Variants in CACNA2D1 observed in about 807,000 individuals in gnomAD.
CACNA2D1 encodes the protein calcium voltage-gated channel auxiliary subunit alpha2delta 1, also known as voltage-dependent calcium channel subunit alpha-2/delta-1.
In CACNA2D1, 53 loss-of-function variants were observed where a neutral mutation model predicts 171.5. That is an observed-to-expected ratio of 0.31 (90% CI 0.25 to 0.39). CACNA2D1 has a LOEUF of 0.39. Ranked by LOEUF, CACNA2D1 falls within the 10% of genes least tolerant of loss-of-function variation. CACNA2D1 has a pLI of 1.00. For missense variants in CACNA2D1, 903 were observed against 1,299.8 expected, an observed-to-expected ratio of 0.69 and a Z score of 4.69; for synonymous variants, 442 against 443.1, an observed-to-expected ratio of 1.00 and a Z score of 0.03.
chr7:82,192,399 AATATAT>A (rs57832901), intron 3 of CACNA2D1, among the ~76,000 whole-genome samples: 94,273 of 146,580 alleles, frequency 0.64, 31,735 homozygotes, highest in Non-Finnish European at 0.74. Flanking sequence ...AAACAGGGGA[AATATAT>A]ATATATATAT....
intron 10 of CACNA2D1, among the ~76,000 whole-genome samples, chr7:82,045,248 T>G (rs1345272288): frequency 1.3e-5 from 2 of 152,094 alleles, no homozygotes; most frequent in African/African-American, 2.4e-5. Context: ...TTTGCTGAAC[T>G]GTAAATAAAA....
intron 13 of CACNA2D1, 65 bp downstream of exon 13, chr7:82,014,336 A>C: frequency 2.4e-6 from 2 of 828,588 alleles, no homozygotes; most frequent in East Asian, 2.5e-5. Flanking sequence ...TTAAATAAGT[A>C]CACCTAATAA....
At chr7:82,393,127 G>C (rs560324406) in intron 1 of CACNA2D1, among the ~76,000 whole-genome samples, 18 of 131,286 alleles carry the variant, frequency 1.4e-4, no homozygotes, top group African/African-American at 3.1e-4. Flanking sequence ...GGGAGGGAGG[G>C]AGGCAGGCAG....
intron 3 of CACNA2D1, among the ~76,000 whole-genome samples, chr7:82,297,389 T>C (rs771595084): frequency 6.6e-6 from 1 of 152,190 alleles, no homozygotes; most frequent in African/African-American, 2.4e-5. Flanking sequence ...ACTTCCTTTG[T>C]GGGGGGAGAT....
intron 3 of CACNA2D1, among the ~76,000 whole-genome samples, chr7:82,214,260 C>T (rs546675285): frequency 6.6e-6 from 1 of 152,128 alleles, no homozygotes. Flanking sequence ...ACTTACCTAC[C>T]TCTTCCGAGA....
Position 82,014,475 on chromosome 7 carries a change from C to T in CACNA2D1, c.1148G>A (p.Arg383His), listed in dbSNP as rs1562870772. 1 of 1,557,032 alleles carries T rather than the reference C, an allele frequency of 6.4e-7. No homozygotes were observed. The change falls in exon 13 of 39, where the codon CGT (arginine) becomes CAT (histidine). Residue 383 changes from arginine (R) to histidine (H), a missense_variant. Arg to His is a conservative substitution (Grantham distance 29). This residue lies in a region of CACNA2D1 where 623 missense variants were observed against 925.5 expected (regional missense o/e 0.67). Coordinates refer to ENST00000356860, the MANE Select transcript of CACNA2D1 (RefSeq NM_000722.4). Reference protein sequence around the residue: ...FNKYNKDKKVRVFTFSVGQHN... With the variant: ...FNKYNKDKKVHVFTFSVGQHN... ...TTGACCAACTGAAAACGTGAATACA[C>T]GTACCTGGATGAATTGAAAAATAGG...
At chr7:82,035,732 G>T (rs1803220217) in intron 11 of CACNA2D1, among the ~76,000 whole-genome samples, 1 of 151,902 alleles carries the variant, frequency 6.6e-6, no homozygotes, top group Admixed American at 6.6e-5. Context: ...ATACTAAGAA[G>T]AATAATTAAA....
At chr7:81,958,000 T>C (rs1316568030) in intron 38 of CACNA2D1, among the ~76,000 whole-genome samples, 1 of 152,036 alleles carries the variant, frequency 6.6e-6, no homozygotes, top group African/African-American at 2.4e-5. Context: ...TGGCCCTTCA[T>C]AAAACATTCT....
chr7:82,021,725 G>C (rs1801234051), intron 12 of CACNA2D1, among the ~76,000 whole-genome samples: 1 of 151,940 alleles, frequency 6.6e-6, no homozygotes, highest in African/African-American at 2.4e-5. Context: ...ATTAAAAAAT[G>C]GTAATCTGAG....
At chr7:82,248,683 T>G (rs1304021853) in intron 3 of CACNA2D1, among the ~76,000 whole-genome samples, 1 of 152,128 alleles carries the variant, frequency 6.6e-6, no homozygotes, top group East Asian at 1.9e-4. Context: ...GCATCTCAAA[T>G]TATAAAACAG....
intron 25 of CACNA2D1, among the ~76,000 whole-genome samples, 190 bp from the exon 26 acceptor site, chr7:81,972,054 G>A (rs1293667684): frequency 6.6e-6 from 1 of 151,412 alleles, no homozygotes; most frequent in African/African-American, 2.4e-5. Flanking sequence ...GGAAATGAAT[G>A]GATTTAGTAG....
chr7:82,155,320 T>C (rs1440657421), intron 4 of CACNA2D1, among the ~76,000 whole-genome samples: 5 of 152,082 alleles, frequency 3.3e-5, no homozygotes, highest in Non-Finnish European at 7.4e-5. Flanking sequence ...TAAAAAGATA[T>C]ACATTATTAC....
intron 3 of CACNA2D1, among the ~76,000 whole-genome samples, chr7:82,262,072 C>T (rs1466639002): frequency 6.6e-6 from 1 of 152,220 alleles, no homozygotes; most frequent in Admixed American, 6.5e-5. Flanking sequence ...TGGCTCACGC[C>T]TGTAATCCCA....
In CACNA2D1 at chr7:82,096,687, G is replaced by A. The variant is rs1006946058; in HGVS notation, c.527-11787C>T. ...CAAACTCTCAATATCAAAATATCCTGCAATAACAAAACATCCAAACAGATA... is the reference window on the plus strand; with the variant it reads ...CAAACTCTCAATATCAAAATATCCTACAATAACAAAACATCCAAACAGATA... On this transcript the variant is annotated intron_variant, in intron 6 of 38. Transcript: ENST00000356860. Among the ~76,000 whole-genome samples the A allele has an allele frequency of 8.1e-5, 12 of 149,018 alleles. 1 individual carries two copies. Among genetic ancestry groups the A allele is most frequent in the Admixed American group, 4.8e-4 (7 of 14,708 alleles).
chr7:82,169,473 A>C (rs538302490), intron 4 of CACNA2D1, among the ~76,000 whole-genome samples: 1 of 152,202 alleles, frequency 6.6e-6, no homozygotes, highest in South Asian at 2.1e-4. Context: ...GATAAACAGT[A>C]AAAATAAATA....
chr7:82,381,313 C>CA (rs11307965), intron 1 of CACNA2D1, among the ~76,000 whole-genome samples: 3,595 of 74,126 alleles, frequency 0.048, 138 homozygotes, highest in Admixed American at 0.12. Flanking sequence ...GACTCTGTCT[C>CA]AAAAAAAAAA....
At position 82,060,150 on chromosome 7, in the gene CACNA2D1, GTATTA is replaced by G. The variant is rs1806462149; in HGVS notation, c.879+273_879+277del. ...ACCCTAAAACTTAAATTATATATAT[GTATTA>G]TATATATATAATATATATATATAAT... On this transcript the variant is annotated intron_variant, in intron 10 of 38. Coordinates refer to ENST00000356860, the MANE Select transcript of CACNA2D1 (RefSeq NM_000722.4). Among the ~76,000 whole-genome samples the G allele has an allele frequency of 1.2e-4, 2 of 16,740 alleles. 1 individual carries two copies. The highest frequency in any genetic ancestry group is 2.8e-4 in the Non-Finnish European group (2 of 7,058). The allele number at this position is 16,740 out of a possible 152,430, so 11.0% of individuals were successfully genotyped here.
intron 1 of CACNA2D1, among the ~76,000 whole-genome samples, chr7:82,426,693 G>T (rs989442408): frequency 2.6e-5 from 4 of 151,948 alleles, no homozygotes; most frequent in Non-Finnish European, 4.4e-5. Context: ...GAACACCTAG[G>T]GCCTCTTTCA....
At chr7:82,148,229 G>A (rs1793372551) in intron 4 of CACNA2D1, among the ~76,000 whole-genome samples, 1 of 151,734 alleles carries the variant, frequency 6.6e-6, no homozygotes, top group Non-Finnish European at 1.5e-5. Context: ...TAAAAGCAAG[G>A]CTTGTTAAAG....
Sources: allele counts gnomAD v4.1 joint callset (sites outside exome capture counted in the v4.1 genomes callset), GRCh38; gene constraint gnomAD v4.1.1; regional missense constraint gnomAD v4.1.1; transcripts MANE v1.5; gene names NCBI Gene and HGNC (gene_info 2026-07-23, HGNC 2026-07-21).